The following CYREN variants were observed in gnomAD, a reference collection of about 807,000 sequenced individuals.
The protein encoded by CYREN is cell cycle regulator of NHEJ.
In CYREN, 7 loss-of-function variants were observed where a neutral mutation model predicts 9.7. The ratio of observed to expected loss-of-function variants is 0.72; its 90% CI spans 0.41 to 1.36. The LOEUF (loss-of-function observed/expected upper bound fraction) is 1.36. CYREN is among the 40% of genes most tolerant of loss of function. The probability of loss-of-function intolerance (pLI) is 0.01; values close to 1 mark genes in which losing one functional copy is unlikely to be tolerated. For synonymous variants in CYREN, 76 were observed against 77.9 expected (o/e 0.98, Z 0.13); for missense variants, 215 against 198.1 (o/e 1.09, Z -0.51).
chr7:135,114,150 T>C (rs1826003926), intron 2 of CYREN, among the ~76,000 whole-genome samples: 1 of 152,224 alleles, frequency 6.6e-6, no homozygotes, highest in Non-Finnish European at 1.5e-5. Flanking sequence ...ATAATGCTAC[T>C]ATAAATATGA....
rs371012079 is a variant in CYREN, at chr7:135,116,556, G to A, written n.357-21974C>T. Among the ~76,000 whole-genome samples, 3 of 152,198 alleles carry A rather than the reference G, an allele frequency of 2.0e-5. No homozygotes were observed. The East Asian group carries it at 5.8e-4, about 29-fold the overall frequency. On this transcript the variant is annotated intron_variant and non_coding_transcript_variant, in intron 2 of 2. Transcript: ENST00000459937. ...GAGGTACTTCATTTCTGTCCATTGAGTATGGAAATCTCGGCTCCCCATTTG... is the reference window on the plus strand; with the variant it reads ...GAGGTACTTCATTTCTGTCCATTGAATATGGAAATCTCGGCTCCCCATTTG...
chr7:135,104,121 T>C (rs1824283268), intron 2 of CYREN, among the ~76,000 whole-genome samples: 1 of 152,144 alleles, frequency 6.6e-6, no homozygotes, highest in African/African-American at 2.4e-5. Flanking sequence ...TTTGTGTCCC[T>C]ATGTTCTCAT....
In CYREN at chr7:135,102,919, G is replaced by C. The variant is rs111295350; in HGVS notation, n.357-8337C>G. Among the ~76,000 whole-genome samples, 31 of 152,128 alleles carry C rather than the reference G, an allele frequency of 2.0e-4. No homozygotes were observed. The South Asian group carries it at 6.4e-3, about 32-fold the overall frequency. Reference sequence around the variant, plus strand: ...ACACCAATTATAAAAGAAAAACTTGGTAAATGAACTTCATCAAAATCATTC... The same window carrying C: ...ACACCAATTATAAAAGAAAAACTTGCTAAATGAACTTCATCAAAATCATTC... On this transcript the variant is annotated intron_variant and non_coding_transcript_variant, in intron 2 of 2. Coordinates refer to the CYREN transcript ENST00000459937.
exon 3 of CYREN, chr7:135,093,434 T>C (rs927818410): frequency 1.3e-5 from 2 of 152,086 alleles, no homozygotes; most frequent in African/African-American, 4.8e-5. Flanking sequence ...AAACCTGTTA[T>C]AAAAATCAAT....
At chr7:135,094,490 G>C in exon 3 of CYREN, 1 of 456,674 alleles carries the variant, frequency 2.2e-6, no homozygotes, top group Non-Finnish European at 4.4e-6. Context: ...ACTCCTGGTG[G>C]CCATAGTCTT....
intron 2 of CYREN, chr7:135,134,984 G>T (rs1242829599): frequency 6.4e-7 from 1 of 1,551,170 alleles, no homozygotes; most frequent in Admixed American, 2.0e-5. Flanking sequence ...TCATTGGAAA[G>T]TTTATCACCT....
chr7:135,115,473 G>T, intron 2 of CYREN: 1 of 1,551,316 alleles, frequency 6.4e-7, no homozygotes, highest in Non-Finnish European at 8.7e-7. Flanking sequence ...GAAAAAAGAA[G>T]CTACAAGGAT....
At chr7:135,155,442 T>A (rs1197656914) in intron 2 of CYREN, among the ~76,000 whole-genome samples, 4 of 152,262 alleles carry the variant, frequency 2.6e-5, no homozygotes, top group Admixed American at 2.0e-4. Flanking sequence ...TGAAACTCTG[T>A]CATGTTGCCA....
rs547212330 is a variant in CYREN, at chr7:135,101,517, T to C, written n.357-6935A>G. Among the ~76,000 whole-genome samples, 14 of 152,260 alleles carry C rather than the reference T, an allele frequency of 9.2e-5. No homozygotes were observed. The South Asian group carries it at 2.9e-3, about 32-fold the overall frequency. On this transcript the variant is annotated intron_variant and non_coding_transcript_variant, in intron 2 of 2. Coordinates refer to the CYREN transcript ENST00000459937. ...AGCCTTAAAAAAAAAACTTAATTGCTGTATTCCTAATACCTTCCTGTTACT... is the reference window on the plus strand; with the variant it reads ...AGCCTTAAAAAAAAAACTTAATTGCCGTATTCCTAATACCTTCCTGTTACT...
At chr7:135,116,523 G>A (rs188627016) in intron 2 of CYREN, among the ~76,000 whole-genome samples, 3 of 152,316 alleles carry the variant, frequency 2.0e-5, no homozygotes, top group Non-Finnish European at 4.4e-5. Flanking sequence ...GCCCAATGGG[G>A]AGAGAAAGAG....
intron 2 of CYREN, among the ~76,000 whole-genome samples, chr7:135,118,238 T>G (rs1826603474): frequency 6.6e-6 from 1 of 152,250 alleles, no homozygotes; most frequent in African/African-American, 2.4e-5. Flanking sequence ...CCTCACTATT[T>G]GTCTGTACCT....
At chr7:135,166,992 A>G in intron 3 of CYREN, 121 bp from the exon 4 acceptor site, 1 of 1,512,364 alleles carries the variant, frequency 6.6e-7, no homozygotes, top group East Asian at 2.3e-5. Context: ...CAGGCCAGGC[A>G]ATGTACCCAT....
At chr7:135,092,628 T>G (rs1012289966) in exon 3 of CYREN, 3 of 152,140 alleles carry the variant, frequency 2.0e-5, no homozygotes, top group African/African-American at 7.2e-5. Context: ...ATGCTACTTA[T>G]TGTGTTATGG....
intron 2 of CYREN, chr7:135,115,331 T>C (rs113930111): frequency 8.1e-7 from 1 of 1,227,884 alleles, no homozygotes; most frequent in Non-Finnish European, 1.1e-6. Context: ...AATAAGTAAT[T>C]GTGAATAGAG....
chr7:135,115,670 G>A, intron 2 of CYREN: 31 of 1,333,050 alleles, frequency 2.3e-5, no homozygotes, highest in Non-Finnish European at 3.0e-5. Flanking sequence ...TAAAAAAGCA[G>A]GGCTTATTAA....
intron 2 of CYREN, among the ~76,000 whole-genome samples, chr7:135,123,085 T>TA (rs1416492516): frequency 6.7e-6 from 1 of 149,812 alleles, no homozygotes; most frequent in African/African-American, 2.4e-5. Flanking sequence ...AGATGAGTAA[T>TA]AAAAAACGGC....
chr7:135,164,234 A>C (rs1830022518), downstream of CYREN, among the ~76,000 whole-genome samples: 1 of 152,214 alleles, frequency 6.6e-6, no homozygotes, highest in African/African-American at 2.4e-5. Flanking sequence ...AGGGCAGCTA[A>C]TGACTTATTT....
At chr7:135,118,864 C>T (rs1458411313) in intron 2 of CYREN, among the ~76,000 whole-genome samples, 1 of 151,686 alleles carries the variant, frequency 6.6e-6, no homozygotes, top group East Asian at 1.9e-4. Flanking sequence ...AAAAATACCA[C>T]TGAAATTTTA....
chr7:135,167,408 C>A lies in CYREN; in HGVS notation c.213+324G>T. On this transcript the variant is annotated intron_variant, in intron 3 of 3. Coordinates refer to ENST00000393114, the MANE Select transcript of CYREN (RefSeq NM_024033.4). Reference sequence around the variant, plus strand: ...AAGAAGTCATCTACCCAACTGGGAACCTTTCCAAGAACACAAACAGGTAAA... The same window carrying A: ...AAGAAGTCATCTACCCAACTGGGAAACTTTCCAAGAACACAAACAGGTAAA... 3 of 1,161,134 alleles carry A rather than the reference C, an allele frequency of 2.6e-6. No individual in the cohort carries two copies. The South Asian group carries it at 9.0e-5, about 35-fold the overall frequency. The allele number at this position is 1,161,134 out of a possible 1,614,324, so 71.9% of individuals were successfully genotyped here.
Sources: allele counts gnomAD v4.1 joint callset (sites outside exome capture counted in the v4.1 genomes callset), GRCh38; gene constraint gnomAD v4.1.1; transcripts MANE v1.5; gene names NCBI Gene and HGNC (gene_info 2026-07-23, HGNC 2026-07-21).